The following RAD51AP1 variants were observed in gnomAD, a reference collection of about 807,000 sequenced individuals.
RAD51AP1 encodes the protein RAD51-associated protein 1.
In RAD51AP1, 14 loss-of-function variants were observed where a neutral mutation model predicts 34.3. The ratio of observed to expected loss-of-function variants is 0.41; its 90% CI spans 0.27 to 0.64. The LOEUF is 0.64. Ranked by LOEUF, RAD51AP1 falls within the 30% of genes least tolerant of loss-of-function variation. The pLI is 0.33. For synonymous variants in RAD51AP1, 114 were observed against 129.8 expected (o/e 0.88, Z 0.83); for missense variants, 348 against 386.9 (o/e 0.90, Z 0.84).
At chr12:4,540,013 G>A (rs1385158548) in intron 1 of RAD51AP1, among the ~76,000 whole-genome samples, 1 of 152,120 alleles carries the variant, frequency 6.6e-6, no homozygotes, top group Non-Finnish European at 1.5e-5. Flanking sequence ...AGAGCGGTTT[G>A]GGATAGGGTA....
At chr12:4,555,119 T>C (rs1046675557) in intron 7 of RAD51AP1, among the ~76,000 whole-genome samples, 1 of 152,112 alleles carries the variant, frequency 6.6e-6, no homozygotes, top group African/African-American at 2.4e-5. Flanking sequence ...GAAATACCCC[T>C]AGGTATCTCA....
rs758419597 is a variant in RAD51AP1, at chr12:4,546,327, G to A, written c.228G>A (p.Lys76=). The stretch of plus-strand genomic sequence containing the variant: ...ATTTTAGGATGGCTTTAGATGACAA[G>A]CTCTACCAGAGAGACTTAGAAGTTG... ...TPKKRMALDD[K]LYQRDLEVAL... Residue 76 remains lysine, a synonymous_variant, in exon 4 of 9, where the codon AAG becomes AAA. Coordinates refer to ENST00000352618, the MANE Select transcript of RAD51AP1 (RefSeq NM_006479.5). 10 of 1,609,638 alleles carry A rather than the reference G, an allele frequency of 6.2e-6. No individual in the cohort carries two copies. Among genetic ancestry groups the A allele is most frequent in the Non-Finnish European group, 8.5e-6 (10 of 1,178,066 alleles).
intron 1 of RAD51AP1, 130 bp from the exon 2 acceptor site, chr12:4,541,754 T>C (rs1211005261): frequency 3.4e-6 from 1 of 289,864 alleles, no homozygotes; most frequent in African/African-American, 2.2e-5. Context: ...TTTTTATTTA[T>C]TTCGTTTATT....
At chr12:4,549,300 T>C (rs1255218651) in intron 6 of RAD51AP1, among the ~76,000 whole-genome samples, 1 of 152,198 alleles carries the variant, frequency 6.6e-6, no homozygotes, top group African/African-American at 2.4e-5. Context: ...TATTTTATTA[T>C]GATGGTTTTT....
At chr12:4,553,842 T>G (rs1944564112) in intron 7 of RAD51AP1, among the ~76,000 whole-genome samples, 1 of 152,162 alleles carries the variant, frequency 6.6e-6, no homozygotes, top group Non-Finnish European at 1.5e-5. Context: ...TGATAATCAT[T>G]TTTATGTCTT....
At chr12:4,545,837 G>A (rs370891740) in intron 3 of RAD51AP1, 4 of 1,611,260 alleles carry the variant, frequency 2.5e-6, no homozygotes, top group Non-Finnish European at 3.4e-6. Flanking sequence ...TACAAAGTAA[G>A]TGCTTGGTAA....
intron 3 of RAD51AP1, 51 bp downstream of exon 3, chr12:4,543,955 AAAGAG>A: frequency 1.4e-6 from 2 of 1,442,168 alleles, no homozygotes; most frequent in Non-Finnish European, 9.4e-7. Context: ...TGTTAATTTT[AAAGAG>A]ACACAGATTC....
In RAD51AP1 at chr12:4,541,951, T is replaced by A; in HGVS notation, c.67+18T>A. ...CAGTGATGGTAAGTAAAGCTTCTTA[T>A]TTTTGTTCTAAAGATTTGGAAACTC... On this transcript the variant is annotated intron_variant, in intron 2 of 8. Transcript: ENST00000352618. The A allele has an allele frequency of 4.0e-6, 6 of 1,487,576 alleles. No homozygotes were observed. The highest frequency in any genetic ancestry group is 5.4e-6 in the Non-Finnish European group (6 of 1,104,784). 92.1% of individuals were successfully genotyped at this position (1,487,576 alleles called of 1,614,324 possible).
chr12:4,558,907 G>A lies in RAD51AP1; in HGVS notation c.922G>A (p.Val308Met). 2.5e-6 allele frequency: 4 copies of A among 1,614,158 alleles called. No individual in the cohort carries two copies. The highest frequency in any genetic ancestry group is 3.4e-6 in the Non-Finnish European group (4 of 1,179,988). ...SSSSPLVVVSVKSPNQSLRLG... is the reference protein window; with the variant it reads ...SSSSPLVVVSMKSPNQSLRLG... ...CAGCAGCCCACTGGTGGTAGTGTCT[G>A]TGAAGTCTCCCAATCAGAGTCTCCG... is the stretch of plus-strand genomic sequence containing the variant. The change falls in exon 9 of 9, where the codon GTG becomes ATG. Residue 308 changes from valine to methionine, a missense_variant. Physicochemically the swap from Val to Met is conservative, Grantham distance 21. Coordinates refer to ENST00000352618, the MANE Select transcript of RAD51AP1 (RefSeq NM_006479.5).
rs762088587 is a variant in RAD51AP1 at position 4,538,972 on chromosome 12, C to T, written c.17+16C>T. The T allele has an allele frequency of 4.3e-6, 7 of 1,613,336 alleles. No individual in the cohort carries two copies. Among genetic ancestry groups the T allele is most frequent in the Non-Finnish European group, 5.1e-6 (6 of 1,179,290 alleles). On this transcript the variant is annotated intron_variant, in intron 1 of 8. Transcript: ENST00000352618. ...GGCCTGTGAGGTGGGTAGTTCCTGA[C>T]ATTCGTCGGGGGTGGGAGGAAAACT...
intron 7 of RAD51AP1, among the ~76,000 whole-genome samples, chr12:4,555,100 A>G (rs1292560584): frequency 6.6e-6 from 1 of 152,154 alleles, no homozygotes; most frequent in African/African-American, 2.4e-5. Flanking sequence ...GTTCATGTTT[A>G]TATGTGTTGA....
chr12:4,558,127 T>C (rs1394746339), intron 8 of RAD51AP1, among the ~76,000 whole-genome samples: 1 of 150,992 alleles, frequency 6.6e-6, no homozygotes, highest in African/African-American at 2.4e-5. Context: ...GGCATAAATA[T>C]AACAGTGTCC....
At chr12:4,555,569 A>G (rs1374362018) in intron 7 of RAD51AP1, among the ~76,000 whole-genome samples, 3 of 152,166 alleles carry the variant, frequency 2.0e-5, no homozygotes, top group African/African-American at 7.2e-5. Context: ...CCCAGTGTCT[A>G]TCTCTCACAT....
intron 8 of RAD51AP1, among the ~76,000 whole-genome samples, chr12:4,557,042 T>G (rs1944587680): frequency 6.6e-6 from 1 of 152,232 alleles, no homozygotes; most frequent in South Asian, 2.1e-4. Flanking sequence ...TCTTTGACCT[T>G]CACCCTTCTT....
rs1944459420 is a variant in RAD51AP1 at position 4,540,572 on chromosome 12, CA to C, written c.18-1311del. ...TAAAAGTAAAAAAAAAAAAAAAAAT[CA>C]TTTCAGTTAAGAATATGCTTGATGA... On this transcript the variant is annotated intron_variant, in intron 1 of 8. Transcript: ENST00000352618. 3.4e-5 allele frequency among the ~76,000 whole-genome samples: 5 copies of C among 148,930 alleles called. No individual in the cohort carries two copies. In the South Asian group the frequency reaches 1.1e-3, roughly 31 times the overall value.
rs1269792789 is a variant in RAD51AP1, at chr12:4,558,543, T to G, written c.872-314T>G. On this transcript the variant is annotated intron_variant, in intron 8 of 8. Transcript: ENST00000352618. ...AAAATGCATTTGCTTTTTCTATTAC[T>G]TTAGAAATTATAATTATATGCATTT... Among the ~76,000 whole-genome samples the G allele has an allele frequency of 3.3e-5, 5 of 152,240 alleles. No individual in the cohort carries two copies. In the East Asian group the frequency reaches 9.6e-4, roughly 29 times the overall value.
chr12:4,541,701 C>T (rs548825574), intron 1 of RAD51AP1, among the ~76,000 whole-genome samples, 183 bp from the exon 2 acceptor site: 130 of 151,854 alleles, frequency 8.6e-4, no homozygotes, highest in Non-Finnish European at 1.7e-3. Context: ...TTACTTGAAC[C>T]CAAACACATT....
intron 7 of RAD51AP1, 106 bp downstream of exon 7, chr12:4,553,253 C>A (rs1944559548): frequency 1.0e-6 from 1 of 999,878 alleles, no homozygotes; most frequent in Non-Finnish European, 1.4e-6. Flanking sequence ...TTCCTAACGT[C>A]CATTTCTTGT....
At chr12:4,550,466 G>C (rs992636583) in intron 6 of RAD51AP1, 2 of 152,198 alleles carry the variant, frequency 1.3e-5, no homozygotes, top group African/African-American at 4.8e-5. Context: ...GAATTTGCAG[G>C]CTGCATTTCT....
Sources: gnomAD v4.1 joint callset for allele counts (sites outside exome capture counted in the v4.1 genomes callset) on GRCh38, gnomAD v4.1.1 for gene constraint, MANE v1.5 for transcripts, NCBI Gene and HGNC (gene_info 2026-07-23, HGNC 2026-07-21) for gene names.